The following TADA1 variants were observed in gnomAD, a reference collection of about 807,000 sequenced individuals.
TADA1 encodes the protein transcriptional adaptor 1.
A neutral mutation model predicts 39.3 loss-of-function variants in TADA1; 23 were observed. The ratio of observed to expected loss-of-function variants is 0.58; its 90% CI spans 0.42 to 0.83. The LOEUF is 0.83. Among genes scored for constraint, TADA1 ranks in the 40% least tolerant of loss-of-function variants. The pLI, the probability that TADA1 is intolerant of heterozygous loss-of-function variation, is 0.00. For missense variants in TADA1, 352 were observed against 408.1 expected (o/e 0.86, Z 1.18); for synonymous variants, 137 against 151.8 (o/e 0.90, Z 0.72).
At position 166,876,087 on chromosome 1, in the gene TADA1, G is replaced by A. The variant is rs974014433; in HGVS notation, c.74+73C>T. On this transcript the variant is annotated intron_variant, in intron 1 of 7. Coordinates refer to ENST00000367874, the MANE Select transcript of TADA1 (RefSeq NM_053053.4). Reference sequence around the variant, plus strand: ...CCCCCGGGCGACGCGGGCGTCTCCGGGGCGGGCTGGCAGCCCGAGGCCAGG... The same window carrying A: ...CCCCCGGGCGACGCGGGCGTCTCCGAGGCGGGCTGGCAGCCCGAGGCCAGG... The A allele has an allele frequency of 4.2e-6, 6 of 1,436,264 alleles. No individual in the cohort carries two copies. The Admixed American group carries it at 9.2e-5, about 22-fold the overall frequency. The allele number at this position is 1,436,264 out of a possible 1,614,324, so 89.0% of individuals were successfully genotyped here. A position where few individuals can be genotyped will look rare whatever the true frequency, so the allele number is the denominator to read the frequency against.
intron 6 of TADA1, among the ~76,000 whole-genome samples, chr1:166,859,936 C>T (rs1055207981): frequency 2.6e-5 from 4 of 152,146 alleles, no homozygotes; most frequent in South Asian, 2.1e-4. Flanking sequence ...CTAAGAAAGT[C>T]GGGGCGGGGG....
chr1:166,869,692 G>T, intron 2 of TADA1, 71 bp downstream of exon 2: 1 of 1,534,430 alleles, frequency 6.5e-7, no homozygotes, highest in East Asian at 2.3e-5. Flanking sequence ...TTTTTAAAAA[G>T]GGAAAAGACT....
At chr1:166,875,066 C>T (rs946712299) in intron 1 of TADA1, among the ~76,000 whole-genome samples, 4 of 152,106 alleles carry the variant, frequency 2.6e-5, no homozygotes, top group African/African-American at 9.7e-5. Context: ...TTAAGTATTC[C>T]CAAATTGCTC....
intron 3 of TADA1, 130 bp downstream of exon 3, chr1:166,869,315 C>T (rs1658606333): frequency 1.7e-6 from 1 of 577,304 alleles, no homozygotes; most frequent in Non-Finnish European, 3.0e-6. Context: ...TTTGTATCTA[C>T]CTAATAAAAC....
Position 166,858,282 on chromosome 1 carries a change from C to A in TADA1, c.693-1G>T. 2 of 1,532,482 alleles carry A rather than the reference C, an allele frequency of 1.3e-6. No individual in the cohort carries two copies. The highest frequency in any genetic ancestry group is 1.3e-5 in the South Asian group (1 of 80,000). 94.9% of individuals were successfully genotyped at this position (1,532,482 alleles called of 1,614,324 possible). A position where few individuals can be genotyped will look rare whatever the true frequency, so the allele number is the denominator to read the frequency against. On this transcript the variant is annotated splice_acceptor_variant, in intron 6 of 7. Coordinates refer to ENST00000367874, the MANE Select transcript of TADA1 (RefSeq NM_053053.4). LOFTEE classifies it high-confidence loss of function. ...ACAGGGAGCAGTAAAAGCTGGAGGGCTGAAAATAAAAATTTCAGAAATAGT... is the reference window on the plus strand; with the variant it reads ...ACAGGGAGCAGTAAAAGCTGGAGGGATGAAAATAAAAATTTCAGAAATAGT...
In TADA1 at chr1:166,858,168, G is replaced by C. The variant is rs763091900; in HGVS notation, c.806C>G (p.Pro269Arg). ...LLLACSGDTL[P>R]ASLPPVNMYD... ...CATGTTCACCGGAGGCAAAGATGCA[G>C]GTAGAGTGTCTCCGGAGCATGCCAG... is the stretch of plus-strand genomic sequence containing the variant. The change falls in exon 7 of 8, where the codon CCT becomes CGT. Residue 269 changes from proline to arginine, a missense_variant. Pro to Arg is a moderately radical substitution (Grantham distance 103). This residue lies in a region of TADA1 where 285 missense variants were observed against 310.9 expected (regional missense o/e 0.92). Transcript: ENST00000367874. 1 of 1,614,206 alleles carries C rather than the reference G, an allele frequency of 6.2e-7. No individual in the cohort carries two copies.
intron 1 of TADA1, among the ~76,000 whole-genome samples, chr1:166,870,311 C>T (rs573698768): frequency 1.1e-4 from 17 of 152,308 alleles, no homozygotes; most frequent in Non-Finnish European, 2.4e-4. Flanking sequence ...GACACAGATA[C>T]ATTCACAAAG....
intron 3 of TADA1, among the ~76,000 whole-genome samples, chr1:166,864,241 G>C (rs1658479154): frequency 6.6e-6 from 1 of 152,156 alleles, no homozygotes; most frequent in Non-Finnish European, 1.5e-5. Flanking sequence ...CTAAGATGAT[G>C]AACTGAGCAC....
chr1:166,861,369 T>C (rs1181267174), intron 5 of TADA1, among the ~76,000 whole-genome samples: 1 of 152,252 alleles, frequency 6.6e-6, no homozygotes, highest in Non-Finnish European at 1.5e-5. Flanking sequence ...ACAACTGTTA[T>C]TATTTTTGAA....
intron 1 of TADA1, among the ~76,000 whole-genome samples, chr1:166,873,007 G>A (rs774486574): frequency 5.3e-5 from 8 of 152,266 alleles, no homozygotes; most frequent in African/African-American, 7.2e-5. Context: ...AGTGACTCAC[G>A]CTTGTAAGCC....
At chr1:166,865,571 T>C (rs1014677573) in intron 3 of TADA1, among the ~76,000 whole-genome samples, 2 of 151,840 alleles carry the variant, frequency 1.3e-5, no homozygotes, top group Non-Finnish European at 2.9e-5. Context: ...CCCGACACTT[T>C]GGGAGGCCGA....
At chr1:166,861,223 C>T (rs1030764148) in intron 5 of TADA1, among the ~76,000 whole-genome samples, 1 of 152,118 alleles carries the variant, frequency 6.6e-6, no homozygotes, top group Non-Finnish European at 1.5e-5. Context: ...TCCCAGGCTA[C>T]CATTATTAAT....
chr1:166,862,178 TTA>T (rs1658430662), intron 5 of TADA1, 23 bp downstream of exon 5: 1 of 1,610,240 alleles, frequency 6.2e-7, no homozygotes, highest in East Asian at 2.2e-5. Context: ...ACCTGTAAGA[TTA>T]TTTCTGCCAA....
In TADA1 at chr1:166,857,372, T is replaced by C. The variant is rs904510509; in HGVS notation, c.*195A>G. 39 of 612,750 alleles carry C rather than the reference T, an allele frequency of 6.4e-5. No individual in the cohort carries two copies. Among genetic ancestry groups the C allele is most frequent in the African/African-American group, 3.5e-4 (19 of 53,712 alleles). 38.0% of individuals were successfully genotyped at this position (612,750 alleles called of 1,614,324 possible). A position where few individuals can be genotyped will look rare whatever the true frequency, so the allele number is the denominator to read the frequency against. ...TCCCACAACTGGGAACACATACATA[T>C]AGAGATATGGGTCATTACCAAAGAT... On this transcript the variant is annotated 3_prime_UTR_variant, in exon 8 of 8. Coordinates refer to ENST00000367874, the MANE Select transcript of TADA1 (RefSeq NM_053053.4).
chr1:166,858,603 G>A (rs184891011), intron 6 of TADA1, among the ~76,000 whole-genome samples: 2 of 152,306 alleles, frequency 1.3e-5, no homozygotes, highest in East Asian at 3.9e-4. Flanking sequence ...GAGGTGAATG[G>A]TACTGGAAAC....
Position 166,857,648 on chromosome 1 carries a change from C to T in TADA1, c.927G>A (p.Trp309Ter). 6.2e-7 allele frequency: 1 copy of T among 1,614,166 alleles called. No individual in the cohort carries two copies. Among genetic ancestry groups the T allele is most frequent in the Non-Finnish European group, 8.5e-7 (1 of 1,180,042 alleles). The change falls in exon 8 of 8, where the codon TGG becomes TGA. Residue 309 changes from tryptophan (W) to a stop codon, truncating the protein, a stop_gained. Coordinates refer to ENST00000367874, the MANE Select transcript of TADA1 (RefSeq NM_053053.4). LOFTEE classifies it high-confidence loss of function. ...GCTGCAGCTCTTCATGATTTGGATG[C>T]CAGAGTTTCGTGATGATCCTTTCAA... ...LNIERIITKL[W>*]HPNHEELQQD...
intron 5 of TADA1, 103 bp downstream of exon 5, chr1:166,862,100 T>C (rs1051114187): frequency 3.3e-5 from 37 of 1,129,408 alleles, no homozygotes; most frequent in Non-Finnish European, 4.8e-5. Context: ...TTCTGTGAAA[T>C]CAGAGTGACA....
intron 5 of TADA1, among the ~76,000 whole-genome samples, chr1:166,861,503 A>C (rs1214360837): frequency 6.6e-6 from 1 of 152,214 alleles, no homozygotes; most frequent in Non-Finnish European, 1.5e-5. Flanking sequence ...TGAATGGACA[A>C]ATGAAATCAT....
intron 6 of TADA1, among the ~76,000 whole-genome samples, chr1:166,859,772 ACTC>A (rs71810076): frequency 0.37 from 55,126 of 150,140 alleles, 10,207 homozygotes; most frequent in Middle Eastern, 0.5. Context: ...AACATCTACC[ACTC>A]CTCCTCCTCC....
Sources: allele counts gnomAD v4.1 joint callset (sites outside exome capture counted in the v4.1 genomes callset), GRCh38; gene constraint gnomAD v4.1.1; regional missense constraint gnomAD v4.1.1; transcripts MANE v1.5; gene names NCBI Gene and HGNC (gene_info 2026-07-23, HGNC 2026-07-21).